The following TBCD variants were observed in gnomAD, a reference collection of about 807,000 sequenced individuals.
TBCD encodes the protein tubulin folding cofactor D.
In TBCD, 105 loss-of-function variants were observed where a neutral mutation model predicts 169.3. That is an observed-to-expected ratio of 0.62 (90% CI 0.53 to 0.73). TBCD has a LOEUF of 0.73. Among genes scored for constraint, TBCD ranks in the 30% least tolerant of loss-of-function variants. The pLI is 0.00. For missense variants in TBCD, 1,444 were observed against 1,600.1 expected (o/e 0.90, Z 1.66); for synonymous variants, 700 against 643.9 (o/e 1.09, Z -1.32).
intron 9 of TBCD, among the ~76,000 whole-genome samples, chr17:82,803,577 G>A (rs1164277188): frequency 6.6e-6 from 1 of 152,200 alleles, no homozygotes; most frequent in Non-Finnish European, 1.5e-5. Flanking sequence ...TTCCTGGGCT[G>A]TTTCCTTGGT....
chr17:82,930,492 A>G lies in TBCD; in HGVS notation c.2992-30A>G. The G allele has an allele frequency of 6.2e-7, 1 of 1,607,502 alleles. No individual in the cohort carries two copies. The highest frequency in any genetic ancestry group is 8.5e-7 in the Non-Finnish European group (1 of 1,177,756). On this transcript the variant is annotated intron_variant, in intron 32 of 38. Coordinates refer to ENST00000355528, the MANE Select transcript of TBCD (RefSeq NM_005993.5). The surrounding 1 kb of genome is among the most constrained non-coding windows in gnomAD (Gnocchi z 5.2). ...GAGGGGTGGCAGGCTCGGGGGTCCC[A>G]CTGCCTTCTGAGGTGTCTCCGTGTT...
Position 82,831,040 on chromosome 17 carries a change from G to C in TBCD, c.1318+16106G>C, listed in dbSNP as rs2053458946. On this transcript the variant is annotated intron_variant, in intron 13 of 38. Coordinates refer to ENST00000355528, the MANE Select transcript of TBCD (RefSeq NM_005993.5). The surrounding 1 kb of genome is among the most constrained non-coding windows in gnomAD (Gnocchi z 4.6). ...TTACCTTACTGGAGACTCTGCTGTG[G>C]TCTCAGCAGCCTGGGCAGGTAGGCA... is the stretch of plus-strand genomic sequence containing the variant. The C allele has an allele frequency of 1.9e-6, 3 of 1,614,058 alleles. No homozygotes were observed. In the African/African-American group the frequency reaches 4.0e-5, roughly 22 times the overall value.
chr17:82,931,265 C>T (rs3785516), intron 33 of TBCD, among the ~76,000 whole-genome samples: 28 of 152,220 alleles, frequency 1.8e-4, no homozygotes, highest in Non-Finnish European at 3.2e-4. Flanking sequence ...AACAGGAACT[C>T]GGCCCAGCCA....
intron 15 of TBCD, among the ~76,000 whole-genome samples, chr17:82,888,296 C>T (rs901215407): frequency 5.3e-5 from 8 of 152,216 alleles, no homozygotes; most frequent in Non-Finnish European, 7.3e-5. Flanking sequence ...AGTCAGCCTT[C>T]GCACTGGGCA....
intron 13 of TBCD, chr17:82,865,548 G>A (rs908369262): frequency 2.0e-5 from 20 of 985,310 alleles, no homozygotes; most frequent in African/African-American, 7.0e-5. Flanking sequence ...GGGGGTACTC[G>A]GCTGCACTGT....
chr17:82,867,012 T>A (rs1250055095), intron 13 of TBCD, among the ~76,000 whole-genome samples: 2 of 152,242 alleles, frequency 1.3e-5, no homozygotes, highest in African/African-American at 4.8e-5. Context: ...GTGGACGCTG[T>A]GTCTGCACAG....
chr17:82,825,043 C>T (rs982015844), intron 13 of TBCD, among the ~76,000 whole-genome samples: 3 of 151,918 alleles, frequency 2.0e-5, no homozygotes, highest in Non-Finnish European at 4.4e-5. Context: ...TTGCAGATGA[C>T]CTTTGGAGGA....
At chr17:82,770,675 G>A (rs2048260948) in intron 5 of TBCD, among the ~76,000 whole-genome samples, 1 of 151,930 alleles carries the variant, frequency 6.6e-6, no homozygotes, top group Admixed American at 6.6e-5. Context: ...CCAGGTCAAG[G>A]GAGCATGGTT....
At position 82,903,234 on chromosome 17, in the gene TBCD, G is replaced by A. The variant is rs527754117; in HGVS notation, c.1731-171G>A. ...CTCGCTGTTGTAGACTGTCCTTGTC[G>A]TCTGTTGGAGTCGGAGGTTCTTGTA... is the stretch of plus-strand genomic sequence containing the variant. On this transcript the variant is annotated intron_variant, in intron 18 of 38. Coordinates refer to ENST00000355528, the MANE Select transcript of TBCD (RefSeq NM_005993.5). This position sits in a 1 kb window ranked among gnomAD's most constrained non-coding sequence, Gnocchi z 4.8. 6.6e-6 allele frequency among the ~76,000 whole-genome samples: 1 copy of A among 152,196 alleles called. No homozygotes were observed. The highest frequency in any genetic ancestry group is 1.5e-5 in the Non-Finnish European group (1 of 68,028).
At chr17:82,931,921 A>G (rs906437442) in intron 33 of TBCD, 1 of 151,880 alleles carries the variant, frequency 6.6e-6, no homozygotes, top group Non-Finnish European at 1.5e-5. Flanking sequence ...GTCTGAGGTC[A>G]CTCTCACTGG....
intron 1 of TBCD, among the ~76,000 whole-genome samples, chr17:82,753,447 C>CTTTTTTTTT (rs59839519): frequency 1.9e-4 from 20 of 104,290 alleles, no homozygotes; most frequent in Non-Finnish European, 2.6e-4. Context: ...TGGCTTCTTC[C>CTTTTTTTTT]TTTTTTTTTT....
intron 1 of TBCD, 66 bp downstream of exon 1, chr17:82,752,443 T>C (rs1249899223): frequency 9.2e-7 from 1 of 1,084,736 alleles, no homozygotes; most frequent in Non-Finnish European, 1.1e-6. Context: ...GAGTGCACTT[T>C]ACCGGGCGGG....
chr17:82,906,973 C>T (rs2060295756), intron 20 of TBCD, among the ~76,000 whole-genome samples: 1 of 152,234 alleles, frequency 6.6e-6, no homozygotes, highest in Non-Finnish European at 1.5e-5. Flanking sequence ...CCCACAGGGC[C>T]TGTGTCATTC....
chr17:82,812,155 G>A (rs1314794658), intron 12 of TBCD, among the ~76,000 whole-genome samples: 1 of 152,122 alleles, frequency 6.6e-6, no homozygotes, highest in Admixed American at 6.5e-5. Context: ...CCTTGGAGAG[G>A]AGTGTGTCTG....
chr17:82,911,313 C>A (rs558504697), intron 22 of TBCD, among the ~76,000 whole-genome samples: 2 of 152,214 alleles, frequency 1.3e-5, no homozygotes, highest in Non-Finnish European at 2.9e-5. Context: ...ACCAGGGTCC[C>A]GCTGTCAGCG....
At chr17:82,842,091 A>C (rs1490360697) in intron 13 of TBCD, among the ~76,000 whole-genome samples, 2 of 152,248 alleles carry the variant, frequency 1.3e-5, no homozygotes, top group Non-Finnish European at 2.9e-5. Flanking sequence ...GCGGGAGCCG[A>C]GGGCTCCACC....
chr17:82,803,755 G>A (rs1466003866), intron 9 of TBCD, among the ~76,000 whole-genome samples: 1 of 152,148 alleles, frequency 6.6e-6, no homozygotes, highest in Non-Finnish European at 1.5e-5. Flanking sequence ...GGCATGTGTA[G>A]AAGCAGCCTG....
At chr17:82,812,859 G>A (rs1568174853) in intron 12 of TBCD, among the ~76,000 whole-genome samples, 1 of 152,092 alleles carries the variant, frequency 6.6e-6, no homozygotes, top group Non-Finnish European at 1.5e-5. Context: ...TTAGAGATGG[G>A]GTCTTGCTCT....
rs1345704576 is a variant in TBCD, at chr17:82,782,772, CGGCGTTGTCTTCCTGTCTGT to C, written c.771+1057_771+1076del. On this transcript the variant is annotated intron_variant, in intron 7 of 38. Transcript: ENST00000355528. The surrounding 1 kb of genome is among the most constrained non-coding windows in gnomAD (Gnocchi z 5.1). ...ATCCGCGGCATTGTCTTCCTATCCG[CGGCGTTGTCTTCCTGTCTGT>C]GGCGTCGTCCTGTCTGCGGTGGCGT... Among the ~76,000 whole-genome samples the C allele has an allele frequency of 1.3e-5, 2 of 148,864 alleles. No homozygotes were observed. Among genetic ancestry groups the C allele is most frequent in the Non-Finnish European group, 3.0e-5 (2 of 67,700 alleles).
Sources: gnomAD v4.1 joint callset for allele counts (sites outside exome capture counted in the v4.1 genomes callset) on GRCh38, gnomAD v4.1.1 for gene constraint, Gnocchi (gnomAD v3.1) non-coding constraint, MANE v1.5 for transcripts, NCBI Gene and HGNC (gene_info 2026-07-23, HGNC 2026-07-21) for gene names.